Variants in DHTKD1 observed in about 807,000 individuals in gnomAD.
DHTKD1 encodes the protein 2-oxoadipate dehydrogenase complex component E1.
Under a neutral mutation model 101.8 loss-of-function variants are expected in DHTKD1, and 78 were observed. The observed-to-expected ratio is 0.77, with a 90% CI of 0.64 to 0.93. DHTKD1 has a LOEUF of 0.93. Among genes scored for constraint, DHTKD1 ranks in the 40% least tolerant of loss-of-function variants. The pLI is 0.00. For missense variants in DHTKD1, 1,223 were observed against 1,161.7 expected, an observed-to-expected ratio of 1.05 and a Z score of -0.77; for synonymous variants, 462 against 450.3, an observed-to-expected ratio of 1.03 and a Z score of -0.33.
chr10:12,096,873 A>G (rs1833078653), intron 7 of DHTKD1, among the ~76,000 whole-genome samples: 1 of 152,174 alleles, frequency 6.6e-6, no homozygotes, highest in Non-Finnish European at 1.5e-5. Context: ...ATACCTTTTT[A>G]GATAAAGGGG....
chr10:12,104,906 A>G (rs1833221167), intron 10 of DHTKD1, among the ~76,000 whole-genome samples: 2 of 149,120 alleles, frequency 1.3e-5, no homozygotes, highest in Non-Finnish European at 3.0e-5. Flanking sequence ...GCAGAGTCTC[A>G]CTCTGTTGCC....
chr10:12,120,587 C>G (rs528799441), intron 16 of DHTKD1, among the ~76,000 whole-genome samples, 200 bp from the exon 17 acceptor site: 1 of 152,150 alleles, frequency 6.6e-6, no homozygotes, highest in Admixed American at 6.6e-5. Flanking sequence ...CCGCCCACCT[C>G]GGCCTCCCAA....
intron 9 of DHTKD1, among the ~76,000 whole-genome samples, 190 bp from the exon 10 acceptor site, chr10:12,100,852 T>A (rs550719289): frequency 6.6e-6 from 1 of 152,298 alleles, no homozygotes; most frequent in East Asian, 1.9e-4. Context: ...GGGCACATGA[T>A]ACCTCTCCAC....
In DHTKD1 at chr10:12,117,772, T is replaced by C; in HGVS notation, c.2402+17T>C. 1 of 1,449,158 alleles carries C rather than the reference T, an allele frequency of 6.9e-7. No homozygotes were observed. The highest frequency in any genetic ancestry group is 9.6e-7 in the Non-Finnish European group (1 of 1,041,376). The allele number at this position is 1,449,158 out of a possible 1,614,324, so 89.8% of individuals were successfully genotyped here. ...TCCAAAAAAGTAAGATATGTATCTCTGTTTTCATATTCTGTGGCAGAATTT... is the reference window on the plus strand; with the variant it reads ...TCCAAAAAAGTAAGATATGTATCTCCGTTTTCATATTCTGTGGCAGAATTT... On this transcript the variant is annotated intron_variant, in intron 14 of 16. Transcript: ENST00000263035.
chr10:12,103,614 C>T lies in DHTKD1; in HGVS notation c.1896+2433C>T, dbSNP rs1833204510. 6.6e-6 allele frequency among the ~76,000 whole-genome samples: 1 copy of T among 151,894 alleles called. No homozygotes were observed. Among genetic ancestry groups the T allele is most frequent in the African/African-American group, 2.4e-5 (1 of 41,344 alleles). On this transcript the variant is annotated intron_variant, in intron 10 of 16. Transcript: ENST00000263035. This position sits in a 1 kb window ranked among gnomAD's most constrained non-coding sequence, Gnocchi z 4.8. Reference sequence around the variant, plus strand: ...CACTGTAGCCTCCAGCTCTTAGGCACAAGCAATTGTCCCGCCTCAGCCTCT... The same window carrying T: ...CACTGTAGCCTCCAGCTCTTAGGCATAAGCAATTGTCCCGCCTCAGCCTCT...
intron 1 of DHTKD1, among the ~76,000 whole-genome samples, chr10:12,075,232 T>G (rs1588600533): frequency 6.6e-6 from 1 of 152,136 alleles, no homozygotes. Flanking sequence ...CAGGCTGGAG[T>G]GCAGTGACAC....
In DHTKD1 at chr10:12,100,287, G is replaced by GTTTTTTTTTTTTTGT. The variant is rs1833144057; in HGVS notation, c.1756+38_1756+39insGTTTTTTTTTTTTTT. The GTTTTTTTTTTTTTGT allele has an allele frequency of 1.7e-3, 470 of 272,010 alleles. 8 individuals are homozygous for GTTTTTTTTTTTTTGT. Among genetic ancestry groups the GTTTTTTTTTTTTTGT allele is most frequent in the South Asian group, 2.6e-3 (61 of 23,832 alleles). 16.8% of individuals were successfully genotyped at this position (272,010 alleles called of 1,614,324 possible). ...GGTAAGAATTTTCTTTTTTTTTTCT[G>GTTTTTTTTTTTTTGT]TTTTTTTTTTTTTTGAGTCTCACCC... On this transcript the variant is annotated intron_variant, in intron 9 of 16. Coordinates refer to ENST00000263035, the MANE Select transcript of DHTKD1 (RefSeq NM_018706.7).
intron 1 of DHTKD1, among the ~76,000 whole-genome samples, chr10:12,070,473 T>C (rs1414954777): frequency 6.6e-6 from 1 of 152,128 alleles, no homozygotes; most frequent in East Asian, 1.9e-4. Flanking sequence ...AAAATAAACC[T>C]CATATCTCTG....
Position 12,106,454 on chromosome 10 carries a change from G to T in DHTKD1, c.2047+58G>T, listed in dbSNP as rs113727567. 6.4e-5 allele frequency: 103 copies of T among 1,599,182 alleles called. No homozygotes were observed. In the South Asian group the frequency reaches 1.1e-3, roughly 17 times the overall value. Reference sequence around the variant, plus strand: ...GGGGTCCCTGCGTGGCCCCAGCCTCGTGGGGACAAATGAATGAAAAGGGGC... The same window carrying T: ...GGGGTCCCTGCGTGGCCCCAGCCTCTTGGGGACAAATGAATGAAAAGGGGC... On this transcript the variant is annotated intron_variant, in intron 11 of 16. Transcript: ENST00000263035.
intron 11 of DHTKD1, 144 bp downstream of exon 11, chr10:12,106,540 T>C: frequency 9.7e-7 from 1 of 1,031,722 alleles, no homozygotes; most frequent in Non-Finnish European, 1.4e-6. Flanking sequence ...GTCACCCTGT[T>C]ATGACGGGAG....
intron 2 of DHTKD1, among the ~76,000 whole-genome samples, chr10:12,083,297 CAAAG>C (rs1832851463): frequency 6.6e-6 from 1 of 151,704 alleles, no homozygotes; most frequent in Non-Finnish European, 1.5e-5. Context: ...AAAAAAATCA[CAAAG>C]AAAATCTCAC....
rs549482001 is a variant in DHTKD1, at chr10:12,120,134, G to A, written c.2573-48G>A. On this transcript the variant is annotated intron_variant, in intron 15 of 16. Transcript: ENST00000263035. The stretch of plus-strand genomic sequence containing the variant: ...GTGGGATCATAGTAAATTGGGGACC[G>A]TCTGCATGTGTCTACTTGAGGTGCT... 23 of 1,436,494 alleles carry A rather than the reference G, an allele frequency of 1.6e-5. No individual in the cohort carries two copies. In the South Asian group the frequency reaches 2.3e-4, roughly 14 times the overall value. The allele number at this position is 1,436,494 out of a possible 1,614,324, so 89.0% of individuals were successfully genotyped here. A position where few individuals can be genotyped will look rare whatever the true frequency, so the allele number is the denominator to read the frequency against.
intron 10 of DHTKD1, among the ~76,000 whole-genome samples, chr10:12,104,663 T>C (rs1833218275): frequency 1.3e-5 from 2 of 151,984 alleles, no homozygotes. Context: ...ATGCAATCAC[T>C]GCTCACTGCA....
intron 13 of DHTKD1, among the ~76,000 whole-genome samples, chr10:12,114,555 C>T (rs9787619): frequency 0.48 from 72,097 of 151,740 alleles, 18,780 homozygotes; most frequent in South Asian, 0.71. Context: ...CTTGGCCTCC[C>T]GAAGTGCTGG....
At chr10:12,077,893 G>C (rs1321614662) in intron 1 of DHTKD1, among the ~76,000 whole-genome samples, 1 of 151,934 alleles carries the variant, frequency 6.6e-6, no homozygotes, top group African/African-American at 2.4e-5. Flanking sequence ...GAGAGGGAAG[G>C]GGTTGGAGAT....
chr10:12,077,881 C>T (rs753531297), intron 1 of DHTKD1, among the ~76,000 whole-genome samples: 1 of 147,990 alleles, frequency 6.8e-6, no homozygotes, highest in African/African-American at 2.5e-5. Flanking sequence ...GAGGTGGAGA[C>T]AGAGAGGGAA....
At chr10:12,120,151 T>G (rs756804326) in intron 15 of DHTKD1, 31 bp from the exon 16 acceptor site, 1 of 1,559,888 alleles carries the variant, frequency 6.4e-7, no homozygotes, top group South Asian at 1.1e-5. Flanking sequence ...TGTGTCTACT[T>G]GAGGTGCTGA....
chr10:12,075,985 A>G (rs1201566954), intron 1 of DHTKD1, among the ~76,000 whole-genome samples: 1 of 151,070 alleles, frequency 6.6e-6, no homozygotes, highest in African/African-American at 2.4e-5. Flanking sequence ...ATCTGAATGC[A>G]AAATCTCTAG....
At chr10:12,119,405 G>T (rs1366611741) in intron 15 of DHTKD1, among the ~76,000 whole-genome samples, 1 of 151,096 alleles carries the variant, frequency 6.6e-6, no homozygotes, top group Non-Finnish European at 1.5e-5. Context: ...CACGAGGTCA[G>T]GAGATCAAGA....
Sources: gnomAD v4.1 joint callset for allele counts (sites outside exome capture counted in the v4.1 genomes callset) on GRCh38, gnomAD v4.1.1 for gene constraint, Gnocchi (gnomAD v3.1) non-coding constraint, MANE v1.5 for transcripts, NCBI Gene and HGNC (gene_info 2026-07-23, HGNC 2026-07-21) for gene names.